The following IFNAR1 variants were observed in gnomAD, a reference collection of about 807,000 sequenced individuals.
IFNAR1 encodes the protein interferon alpha/beta receptor 1.
IFNAR1 carries 47 observed loss-of-function variants against 62.1 expected under a neutral mutation model. The observed-to-expected ratio is 0.76, with a 90% CI of 0.60 to 0.97. The LOEUF (loss-of-function observed/expected upper bound fraction) is 0.97. IFNAR1 is among the 50% of genes least tolerant of loss of function. The pLI is 0.00. For missense variants in IFNAR1, 638 were observed against 654.5 expected (o/e 0.97, Z 0.27); for synonymous variants, 219 against 226.9 (o/e 0.97, Z 0.31).
intron 2 of IFNAR1, among the ~76,000 whole-genome samples, chr21:33,339,277 T>G (rs912898924): frequency 1.3e-5 from 2 of 152,204 alleles, no homozygotes; most frequent in African/African-American, 4.8e-5. Flanking sequence ...TTTTCAAGAA[T>G]GTTTAAGGTA....
chr21:33,338,893 C>T (rs1017591591), intron 2 of IFNAR1, among the ~76,000 whole-genome samples: 2 of 151,772 alleles, frequency 1.3e-5, no homozygotes, highest in African/African-American at 4.8e-5. Flanking sequence ...CAGGCATGCA[C>T]CCCCACGCCC....
rs528034913 is a variant in IFNAR1, at chr21:33,337,137, C to T, written c.200+1490C>T. On this transcript the variant is annotated intron_variant, in intron 2 of 10. Transcript: ENST00000270139. ...ACTTGGGAAGCTGAGGCAGAAGAAT[C>T]GCTTGAACCCAGGAGACAGAGGTTG... is the stretch of plus-strand genomic sequence containing the variant. 2.6e-5 allele frequency among the ~76,000 whole-genome samples: 4 copies of T among 151,964 alleles called. No homozygotes were observed. In the South Asian group the frequency reaches 8.3e-4, roughly 32 times the overall value.
chr21:33,343,621 A>C lies in IFNAR1; in HGVS notation c.618A>C (p.Leu206=), dbSNP rs754860222. 2.5e-6 allele frequency: 4 copies of C among 1,605,186 alleles called. No individual in the cohort carries two copies. Among genetic ancestry groups the C allele is most frequent in the South Asian group, 2.2e-5 (2 of 90,836 alleles). The part of the protein sequence containing the change: ...TTYCLKVKAA[L]LTSWKIGVYS... Reference sequence around the variant, plus strand: ...ATTGTCTAAAAGTTAAAGCAGCACTACTTACGTCATGGAAAATTGGTGTCT... The same window carrying C: ...ATTGTCTAAAAGTTAAAGCAGCACTCCTTACGTCATGGAAAATTGGTGTCT... Residue 206 remains leucine, a synonymous_variant, in exon 5 of 11, where the codon CTA becomes CTC. Coordinates refer to ENST00000270139, the MANE Select transcript of IFNAR1 (RefSeq NM_000629.3).
chr21:33,344,765 C>CTTACTTATTTATTTAT (rs1555875101), intron 5 of IFNAR1, among the ~76,000 whole-genome samples: 2 of 122,026 alleles, frequency 1.6e-5, no homozygotes, highest in Non-Finnish European at 3.8e-5. Context: ...TTCTTTTTTA[C>CTTACTTATTTATTTAT]TTATTTATTT....
rs1032629363 is a variant in IFNAR1 at position 33,356,182 on chromosome 21, C to T, written c.*633C>T. On this transcript the variant is annotated 3_prime_UTR_variant, in exon 11 of 11. Transcript: ENST00000270139. ...AAGTGCAGCCGTGCTAGCTGCGCAC[C>T]GTGGCTAAGGATGACGTCTGTGTTC... 1.7e-4 allele frequency: 26 copies of T among 152,312 alleles called. No individual in the cohort carries two copies. Among genetic ancestry groups the T allele is most frequent in the Middle Eastern group, 3.4e-3 (1 of 294 alleles). 9.4% of individuals were successfully genotyped at this position (152,312 alleles called of 1,614,324 possible).
rs200796146 is a variant in IFNAR1 at position 33,353,713 on chromosome 21, C to G, written c.1370C>G (p.Ala457Gly). Residue 457 changes from alanine (A) to glycine (G), a missense_variant, in exon 10 of 11, where the codon GCG (alanine) becomes GGG (glycine). Coordinates refer to ENST00000270139, the MANE Select transcript of IFNAR1 (RefSeq NM_000629.3). The stretch of plus-strand genomic sequence containing the variant: ...GCTCTCCCGTTTGTCATTTATGCTG[C>G]GAAAGTCTTCTTGAGATGCATCAAT... ...LFALPFVIYA[A>G]KVFLRCINYV... is the part of the protein sequence containing the mutation. 1 of 1,592,040 alleles carries G rather than the reference C, an allele frequency of 6.3e-7. No individual in the cohort carries two copies. Among genetic ancestry groups the G allele is most frequent in the South Asian group, 1.1e-5 (1 of 87,306 alleles).
chr21:33,349,496 C>G lies in IFNAR1; in HGVS notation c.1096C>G (p.Pro366Ala). Reference protein sequence around the residue: ...SGNTPVIQDYPLIYEIIFWEN... With the variant: ...SGNTPVIQDYALIYEIIFWEN... The stretch of plus-strand genomic sequence containing the variant: ...AAACACGCCTGTGATCCAGGATTAT[C>G]CACTGATTTATGAAATTATTTTTTG... The change falls in exon 8 of 11, where the codon CCA (proline) becomes GCA (alanine). Residue 366 changes from proline (P) to alanine (A), a missense_variant. Transcript: ENST00000270139. 6 of 1,611,900 alleles carry G rather than the reference C, an allele frequency of 3.7e-6. No individual in the cohort carries two copies. Among genetic ancestry groups the G allele is most frequent in the Non-Finnish European group, 5.1e-6 (6 of 1,178,246 alleles).
At chr21:33,353,808 G>A in intron 10 of IFNAR1, 25 bp downstream of exon 10, 1 of 1,476,202 alleles carries the variant, frequency 6.8e-7, no homozygotes, top group Admixed American at 2.2e-5. Context: ...TTATTTTTTT[G>A]TCAACAGCTA....
chr21:33,352,951 TAATA>T, intron 9 of IFNAR1, 43 bp downstream of exon 9: 5 of 1,413,666 alleles, frequency 3.5e-6, no homozygotes, highest in Non-Finnish European at 4.9e-6. Context: ...TAGCTAGACA[TAATA>T]AAAGTAATTC....
At chr21:33,325,496 T>C (rs1474820156) in intron 1 of IFNAR1, among the ~76,000 whole-genome samples, 1 of 152,152 alleles carries the variant, frequency 6.6e-6, no homozygotes, top group Non-Finnish European at 1.5e-5. Flanking sequence ...ATTTCCTCAA[T>C]CTGGTGAATA....
intron 1 of IFNAR1, among the ~76,000 whole-genome samples, chr21:33,327,410 G>A (rs749492091): frequency 2.2e-4 from 34 of 152,290 alleles, no homozygotes; most frequent in Non-Finnish European, 4.4e-4. Context: ...AGCTTTCAGA[G>A]CAGTGTAGAT....
At chr21:33,345,161 A>G in intron 5 of IFNAR1, 85 bp from the exon 6 acceptor site, 1 of 698,238 alleles carries the variant, frequency 1.4e-6, no homozygotes, top group South Asian at 1.7e-5. Flanking sequence ...CCTTATAATG[A>G]TAAAATGCGA....
intron 9 of IFNAR1, 98 bp downstream of exon 9, chr21:33,353,006 T>C: frequency 4.0e-6 from 3 of 746,184 alleles, no homozygotes; most frequent in Non-Finnish European, 6.0e-6. Flanking sequence ...TTCTCTTTAC[T>C]GCAAAAAATA....
chr21:33,354,040 C>T (rs2083425397), intron 10 of IFNAR1, among the ~76,000 whole-genome samples: 1 of 152,046 alleles, frequency 6.6e-6, no homozygotes, highest in Non-Finnish European at 1.5e-5. Flanking sequence ...TTTGTTTTAC[C>T]GTTTAAAGCC....
intron 1 of IFNAR1, among the ~76,000 whole-genome samples, chr21:33,334,191 C>A (rs1319030083): frequency 1.3e-5 from 2 of 152,108 alleles, no homozygotes; most frequent in Non-Finnish European, 2.9e-5. Flanking sequence ...GTAAATATTA[C>A]TATACGTAAA....
chr21:33,353,890 G>C lies in IFNAR1; in HGVS notation c.1440+107G>C, dbSNP rs1324310287. On this transcript the variant is annotated intron_variant, in intron 10 of 10. Coordinates refer to ENST00000270139, the MANE Select transcript of IFNAR1 (RefSeq NM_000629.3). Reference sequence around the variant, plus strand: ...TTTTCTTGATATCCAGAAAATAATAGAGACTGATTTGGGTATCTTCTTCAA... The same window carrying C: ...TTTTCTTGATATCCAGAAAATAATACAGACTGATTTGGGTATCTTCTTCAA... 2.1e-5 allele frequency: 15 copies of C among 723,378 alleles called. No individual in the cohort carries two copies. In the Admixed American group the frequency reaches 2.1e-4, roughly 10 times the overall value. The allele number at this position is 723,378 out of a possible 1,614,324, so 44.8% of individuals were successfully genotyped here. A position where few individuals can be genotyped will look rare whatever the true frequency, so the allele number is the denominator to read the frequency against.
chr21:33,335,320 C>CT (rs1490240970), intron 1 of IFNAR1, among the ~76,000 whole-genome samples: 5 of 152,078 alleles, frequency 3.3e-5, no homozygotes, highest in African/African-American at 1.2e-4. Flanking sequence ...AAAATCAACT[C>CT]TTTTTTCAGC....
At chr21:33,328,600 T>A (rs1406664805) in intron 1 of IFNAR1, among the ~76,000 whole-genome samples, 1 of 152,236 alleles carries the variant, frequency 6.6e-6, no homozygotes, top group African/African-American at 2.4e-5. Context: ...GAGATTGTAA[T>A]GTTGCTCAGT....
chr21:33,348,666 G>A (rs979602037), intron 6 of IFNAR1, among the ~76,000 whole-genome samples: 2 of 152,062 alleles, frequency 1.3e-5, no homozygotes, highest in Non-Finnish European at 2.9e-5. Flanking sequence ...GGCAGGCCTG[G>A]TGGCGTGCAC....
Sources: gnomAD v4.1 joint callset for allele counts (sites outside exome capture counted in the v4.1 genomes callset) on GRCh38, gnomAD v4.1.1 for gene constraint, MANE v1.5 for transcripts, NCBI Gene and HGNC (gene_info 2026-07-23, HGNC 2026-07-21) for gene names.